The following CRACR2A variants were observed in gnomAD, a reference collection of about 807,000 sequenced individuals.
CRACR2A encodes the protein EF-hand calcium-binding domain-containing protein 4B.
CRACR2A carries 79 observed loss-of-function variants against 90.5 expected under a neutral mutation model. The ratio of observed to expected loss-of-function variants is 0.87; its 90% CI spans 0.73 to 1.05. CRACR2A has a LOEUF of 1.05. CRACR2A is among the 50% of genes least tolerant of loss of function. The pLI is 0.00. For missense variants in CRACR2A, 823 were observed against 897.2 expected (o/e 0.92, Z 1.06); for synonymous variants, 338 against 356.7 (o/e 0.95, Z 0.59).
In CRACR2A at chr12:3,633,717, G is replaced by A. The variant is rs1944413845; in HGVS notation, c.1622C>T (p.Ala541Val). Residue 541 changes from alanine to valine, a missense_variant, in exon 15 of 20, where the codon GCC (alanine) becomes GTC (valine). By Grantham distance (64) the Ala-to-Val change is moderately conservative. Transcript: ENST00000440314. This position sits in a 1 kb window ranked among gnomAD's most constrained non-coding sequence, Gnocchi z 4.5. ...ALCKEESSPS[A>V]PDRLFKIVFV... is the part of the protein sequence containing the mutation. ...CACAATCTTGAAGAGCCGGTCAGGGGCAGAGGGAGAGCTTTCCTCCTGTGG... is the reference window on the plus strand; with the variant it reads ...CACAATCTTGAAGAGCCGGTCAGGGACAGAGGGAGAGCTTTCCTCCTGTGG... The A allele has an allele frequency of 6.4e-7, 1 of 1,551,706 alleles. No homozygotes were observed. The highest frequency in any genetic ancestry group is 8.7e-7 in the Non-Finnish European group (1 of 1,147,002).
intron 9 of CRACR2A, 36 bp downstream of exon 9, chr12:3,656,275 G>T: frequency 2.5e-6 from 4 of 1,597,758 alleles, no homozygotes; most frequent in Non-Finnish European, 3.4e-6. Flanking sequence ...AGAGAGTGAA[G>T]AGCCAGGTAC....
At chr12:3,631,198 G>A (rs1369455374) in intron 15 of CRACR2A, among the ~76,000 whole-genome samples, 1 of 152,192 alleles carries the variant, frequency 6.6e-6, no homozygotes, top group Non-Finnish European at 1.5e-5. Context: ...GTGATGAAGG[G>A]CATCCTGATT....
chr12:3,634,197 C>T lies in CRACR2A; in HGVS notation c.1603-461G>A, dbSNP rs577210913. 2.3e-4 allele frequency among the ~76,000 whole-genome samples: 35 copies of T among 152,322 alleles called. No individual in the cohort carries two copies. In the Middle Eastern group the frequency reaches 0.02, roughly 89 times the overall value. ...AGAAGGAGAGAAGGACGAAAGAAGG[C>T]TTATCCACATCACAGGGACAGAGAC... is the stretch of plus-strand genomic sequence containing the variant. On this transcript the variant is annotated intron_variant, in intron 14 of 19. Transcript: ENST00000440314.
chr12:3,676,735 C>T (rs945638763), intron 6 of CRACR2A, among the ~76,000 whole-genome samples: 5 of 114,722 alleles, frequency 4.4e-5, no homozygotes, highest in Non-Finnish European at 9.2e-5. Flanking sequence ...ATATAAAGTA[C>T]CACATCTATG....
intron 12 of CRACR2A, among the ~76,000 whole-genome samples, chr12:3,643,807 AT>A (rs1565470819): frequency 1.1e-5 from 1 of 89,618 alleles, no homozygotes; most frequent in African/African-American, 5.2e-5. Flanking sequence ...AATATATATT[AT>A]ATATATATTT....
rs571557629 is a variant in CRACR2A, at chr12:3,725,358, C to T, written c.-118+7584G>A. On this transcript the variant is annotated intron_variant, in intron 2 of 19. Transcript: ENST00000440314. Reference sequence around the variant, plus strand: ...CAGAGAATCTGCTCCTTGCTTCTTCCGGCTCTGGTACCTCCAGGTGTTCCT... The same window carrying T: ...CAGAGAATCTGCTCCTTGCTTCTTCTGGCTCTGGTACCTCCAGGTGTTCCT... 4.2e-3 allele frequency among the ~76,000 whole-genome samples: 639 copies of T among 152,276 alleles called. 8 individuals carry two copies. Among genetic ancestry groups the T allele is most frequent in the African/African-American group, 0.015 (606 of 41,544 alleles).
intron 12 of CRACR2A, among the ~76,000 whole-genome samples, chr12:3,643,742 C>T (rs1944617215): frequency 8.1e-6 from 1 of 123,358 alleles, no homozygotes; most frequent in African/African-American, 3.1e-5. Flanking sequence ...TATACACATA[C>T]ATACATATAT....
intron 2 of CRACR2A, among the ~76,000 whole-genome samples, chr12:3,721,927 C>A (rs11612550): frequency 0.3 from 45,496 of 152,028 alleles, 7,291 homozygotes; most frequent in Non-Finnish European, 0.36. Flanking sequence ...GGTGCACTGG[C>A]ACAAGGACAG....
At chr12:3,671,910 G>T (rs539138546) in intron 7 of CRACR2A, among the ~76,000 whole-genome samples, 7 of 152,332 alleles carry the variant, frequency 4.6e-5, no homozygotes, top group Non-Finnish European at 8.8e-5. Context: ...ACTCAGAGAG[G>T]TTAGGTAACT....
chr12:3,666,055 G>A (rs1348662388), intron 7 of CRACR2A, among the ~76,000 whole-genome samples: 2 of 152,230 alleles, frequency 1.3e-5, no homozygotes, highest in Non-Finnish European at 2.9e-5. Context: ...CCTGCTAGGG[G>A]GAAGTAAAGG....
rs1327828754 is a variant in CRACR2A, at chr12:3,673,317, T to G, written c.671+129A>C. On this transcript the variant is annotated intron_variant, in intron 7 of 19. Transcript: ENST00000440314. The stretch of plus-strand genomic sequence containing the variant: ...ATATCGTGACAGACACAGGGCCTGG[T>G]CCCCACTTTGGCAGACAGCAAAAGG... 4 of 1,133,856 alleles carry G rather than the reference T, an allele frequency of 3.5e-6. No individual in the cohort carries two copies. The African/African-American group carries it at 6.2e-5, about 18-fold the overall frequency. 70.2% of individuals were successfully genotyped at this position (1,133,856 alleles called of 1,614,324 possible).
chr12:3,623,447 G>A (rs558727606), intron 17 of CRACR2A, among the ~76,000 whole-genome samples: 7 of 152,204 alleles, frequency 4.6e-5, no homozygotes, highest in East Asian at 1.9e-4. Context: ...CCAGCAATCC[G>A]GCTCTGGGGG....
intron 10 of CRACR2A, among the ~76,000 whole-genome samples, chr12:3,651,561 T>C (rs1319947681): frequency 6.6e-6 from 1 of 152,202 alleles, no homozygotes; most frequent in African/African-American, 2.4e-5. Flanking sequence ...TGATAGTTCT[T>C]TCTTTATCTC....
chr12:3,710,701 G>A lies in CRACR2A; in HGVS notation c.-37+2536C>T, dbSNP rs1191966304. Among the ~76,000 whole-genome samples, 4 of 151,820 alleles carry A rather than the reference G, an allele frequency of 2.6e-5. No homozygotes were observed. The East Asian group carries it at 7.7e-4, about 29-fold the overall frequency. On this transcript the variant is annotated intron_variant, in intron 3 of 19. Transcript: ENST00000440314. The stretch of plus-strand genomic sequence containing the variant: ...CCAGCTACTCGGGAGGCTGAGGCAG[G>A]AGAATCGCTTGAACCCAGGAGGCGG...
Position 3,669,424 on chromosome 12 carries a change from T to A in CRACR2A, c.671+4022A>T, listed in dbSNP as rs75281385. Among the ~76,000 whole-genome samples the A allele has an allele frequency of 2.0e-3, 300 of 152,324 alleles. 7 individuals are homozygous for A. The East Asian group carries it at 0.039, about 20-fold the overall frequency. ...GCTAAAGTGTGAAGACCTCCGCACA[T>A]CTGCACTGTGAATGCTGAAGGGACT... On this transcript the variant is annotated intron_variant, in intron 7 of 19. Coordinates refer to ENST00000440314, the MANE Select transcript of CRACR2A (RefSeq NM_001144958.2).
chr12:3,736,585 A>G (rs1300519252), intron 1 of CRACR2A, among the ~76,000 whole-genome samples: 2 of 152,216 alleles, frequency 1.3e-5, no homozygotes, highest in East Asian at 1.9e-4. Flanking sequence ...AGCTGCAGAC[A>G]TAATGAAGGC....
chr12:3,743,683 T>A lies in CRACR2A; in HGVS notation c.-387+9332A>T, dbSNP rs574798765. Among the ~76,000 whole-genome samples the A allele has an allele frequency of 3.3e-5, 5 of 152,338 alleles. No individual in the cohort carries two copies. The East Asian group carries it at 9.6e-4, about 29-fold the overall frequency. The stretch of plus-strand genomic sequence containing the variant: ...CCTATATCAGAAAATGCCTGGCACA[T>A]GGCAGGCATTTGACAAATTATCTTA... On this transcript the variant is annotated intron_variant, in intron 1 of 19. Transcript: ENST00000440314.
At chr12:3,703,082 A>C (rs376596279) in intron 3 of CRACR2A, among the ~76,000 whole-genome samples, 2 of 152,174 alleles carry the variant, frequency 1.3e-5, no homozygotes, top group African/African-American at 4.8e-5. Flanking sequence ...TTGAATATCC[A>C]TTTGCAAAAA....
At chr12:3,649,724 G>T (rs1484874226) in intron 10 of CRACR2A, among the ~76,000 whole-genome samples, 1 of 151,986 alleles carries the variant, frequency 6.6e-6, no homozygotes, top group Non-Finnish European at 1.5e-5. Flanking sequence ...TCAACACAGT[G>T]CCTGGCATGG....
Sources: allele counts gnomAD v4.1 joint callset (sites outside exome capture counted in the v4.1 genomes callset), GRCh38; gene constraint gnomAD v4.1.1; non-coding constraint Gnocchi (gnomAD v3.1); transcripts MANE v1.5; gene names NCBI Gene and HGNC (gene_info 2026-07-23, HGNC 2026-07-21).